The following METTL22 variants were observed in gnomAD, a reference collection of about 807,000 sequenced individuals.
METTL22 encodes the protein methyltransferase-like protein 22.
Under a neutral mutation model 48.4 loss-of-function variants are expected in METTL22, and 51 were observed. The ratio of observed to expected loss-of-function variants is 1.05; its 90% CI spans 0.84 to 1.33. The LOEUF is 1.33. Ranked by LOEUF, METTL22 falls within the 40% of genes most tolerant of loss-of-function variation. The probability of loss-of-function intolerance (pLI) is 0.00; values close to 1 mark genes in which losing one functional copy is unlikely to be tolerated. For missense variants in METTL22, 678 were observed against 526.9 expected, an observed-to-expected ratio of 1.29 and a Z score of -2.81; for synonymous variants, 255 against 214.1, an observed-to-expected ratio of 1.19 and a Z score of -1.67.
At chr16:8,642,646 G>T in intron 9 of METTL22, 81 bp downstream of exon 9, 1 of 1,284,948 alleles carries the variant, frequency 7.8e-7, no homozygotes, top group Admixed American at 1.7e-5. Context: ...CCTTGTCAGT[G>T]TCATTATGAT....
rs747337587 is a variant in METTL22 at position 8,646,090 on chromosome 16, TTTCTC to T, written c.1180-16_1180-12del. ...TATGTGCACTTCAGAAACCTGTTCT[TTTCTC>T]TGTTTGCTGCAGGAGCTCTGGAAGA... On this transcript the variant is annotated splice_polypyrimidine_tract_variant and intron_variant, in intron 10 of 10. Coordinates refer to ENST00000381920, the MANE Select transcript of METTL22 (RefSeq NM_024109.4). 1 of 1,455,096 alleles carries T rather than the reference TTTCTC, an allele frequency of 6.9e-7. No individual in the cohort carries two copies. Among genetic ancestry groups the T allele is most frequent in the South Asian group, 1.2e-5 (1 of 84,930 alleles). The allele number at this position is 1,455,096 out of a possible 1,614,324, so 90.1% of individuals were successfully genotyped here.
chr16:8,635,768 T>C (rs1427958322), intron 5 of METTL22, among the ~76,000 whole-genome samples: 1 of 152,156 alleles, frequency 6.6e-6, no homozygotes, highest in Non-Finnish European at 1.5e-5. Context: ...GAATCAACAA[T>C]ATGCAACTTA....
chr16:8,631,902 C>G (rs1450770393), intron 3 of METTL22: 1 of 152,240 alleles, frequency 6.6e-6, no homozygotes, highest in Non-Finnish European at 1.5e-5. Flanking sequence ...GGCCTCCACC[C>G]CTAGACTGAA....
chr16:8,622,215 T>A (rs902405308), intron 1 of METTL22, among the ~76,000 whole-genome samples: 11 of 152,306 alleles, frequency 7.2e-5, no homozygotes, highest in African/African-American at 2.6e-4. Context: ...CCTCCCCAGC[T>A]CCTGGCCTAA....
rs182789773 is a variant in METTL22, at chr16:8,635,685, C to G, written c.700+373C>G. Reference sequence around the variant, plus strand: ...ATTATTTTTTTCCTGGGTATAGAAGCCTTGCCCATTCTTTGTAGGAGGTTT... The same window carrying G: ...ATTATTTTTTTCCTGGGTATAGAAGGCTTGCCCATTCTTTGTAGGAGGTTT... On this transcript the variant is annotated intron_variant, in intron 5 of 10. Coordinates refer to ENST00000381920, the MANE Select transcript of METTL22 (RefSeq NM_024109.4). 3.3e-4 allele frequency among the ~76,000 whole-genome samples: 50 copies of G among 152,300 alleles called. No individual in the cohort carries two copies. The East Asian group carries it at 6.9e-3, about 21-fold the overall frequency.
chr16:8,659,525 C>T, the METTL22 span, among the ~76,000 whole-genome samples: 1 of 152,036 alleles, frequency 6.6e-6, no homozygotes, highest in Non-Finnish European at 1.5e-5. Context: ...AGGCATTACA[C>T]CTGTCTGACC....
At chr16:8,636,354 G>C (rs1387334667) in intron 5 of METTL22, among the ~76,000 whole-genome samples, 1 of 152,112 alleles carries the variant, frequency 6.6e-6, no homozygotes, top group African/African-American at 2.4e-5. Flanking sequence ...GGCCAACATG[G>C]TGAAACCCTG....
the METTL22 span, among the ~76,000 whole-genome samples, chr16:8,658,580 C>G: frequency 6.6e-6 from 1 of 152,306 alleles, no homozygotes; most frequent in East Asian, 1.9e-4. Flanking sequence ...GCCTCATATC[C>G]TCAGGTGAAT....
At chr16:8,643,763 G>C (rs1000167666) in intron 9 of METTL22, among the ~76,000 whole-genome samples, 2 of 152,046 alleles carry the variant, frequency 1.3e-5, no homozygotes, top group African/African-American at 4.8e-5. Flanking sequence ...ACAGGCATGC[G>C]TCACCACACC....
At chr16:8,664,932 G>A in the METTL22 span, among the ~76,000 whole-genome samples, 841 of 152,204 alleles carry the variant, frequency 5.5e-3, 13 homozygotes, top group African/African-American at 0.02. Context: ...TGTCTGGCAC[G>A]TCTCACTGTA....
chr16:8,642,879 A>G, intron 9 of METTL22: 1 of 399,372 alleles, frequency 2.5e-6, no homozygotes, highest in Non-Finnish European at 4.7e-6. Flanking sequence ...TGGAACCTCA[A>G]CGCTTGGCCA....
rs2056826413 is a variant in METTL22, at chr16:8,647,561, C to T, written c.*1418C>T. 1 of 150,964 alleles carries T rather than the reference C, an allele frequency of 6.6e-6. No individual in the cohort carries two copies. Among genetic ancestry groups the T allele is most frequent in the African/African-American group, 2.4e-5 (1 of 41,018 alleles). The allele number at this position is 150,964 out of a possible 1,614,324, so 9.4% of individuals were successfully genotyped here. On this transcript the variant is annotated 3_prime_UTR_variant, in exon 11 of 11. Transcript: ENST00000381920. ...TGCCACCAGTATCCAGTGGGTGAGGCCAGAGATGCTGCTGAACGTTCTATA... is the reference window on the plus strand; with the variant it reads ...TGCCACCAGTATCCAGTGGGTGAGGTCAGAGATGCTGCTGAACGTTCTATA...
At chr16:8,649,817 AAAAAAAAAAC>A (rs2141833865), downstream of METTL22, among the ~76,000 whole-genome samples, 1 of 4,700 alleles carries the variant, frequency 2.1e-4, no homozygotes, top group South Asian at 0.12. Flanking sequence ...AAGAAATTAA[AAAAAAAAAAC>A]CATTAGTGAA....
chr16:8,629,003 C>T lies in METTL22; in HGVS notation c.407C>T (p.Pro136Leu). The part of the protein sequence containing the change: ...RRPRAASDSN[P>L]AGPLRDKVHP... ...CCACGAGCCGCCTCTGATTCCAACC[C>T]AGCAGGGCCTCTGAGAGACAAGGTA... Residue 136 changes from proline (P) to leucine (L), a missense_variant, in exon 3 of 11, where the codon CCA (proline) becomes CTA (leucine). Transcript: ENST00000381920. The T allele has an allele frequency of 1.2e-6, 2 of 1,614,140 alleles. No homozygotes were observed. Among genetic ancestry groups the T allele is most frequent in the African/African-American group, 2.7e-5 (2 of 75,050 alleles).
intron 3 of METTL22, among the ~76,000 whole-genome samples, chr16:8,634,511 A>G (rs1287990759): frequency 6.6e-6 from 1 of 152,176 alleles, no homozygotes; most frequent in African/African-American, 2.4e-5. Flanking sequence ...GAATACTTAT[A>G]CTACTTTTCA....
At chr16:8,655,364 C>T in the METTL22 span, among the ~76,000 whole-genome samples, 1 of 152,216 alleles carries the variant, frequency 6.6e-6, no homozygotes, top group Admixed American at 6.5e-5. Context: ...CTCAGTTCCT[C>T]ACTGGCTGCT....
chr16:8,645,988 C>T, intron 10 of METTL22, 120 bp from the exon 11 acceptor site: 1 of 1,507,898 alleles, frequency 6.6e-7, no homozygotes, highest in Non-Finnish European at 8.9e-7. Context: ...CCCCAGCTCG[C>T]CTGCTCCGTG....
At chr16:8,664,128 C>T in the METTL22 span, among the ~76,000 whole-genome samples, 2 of 151,054 alleles carry the variant, frequency 1.3e-5, no homozygotes, top group African/African-American at 4.9e-5. Flanking sequence ...CGCTCTGTTT[C>T]CCAGGCTGAA....
At chr16:8,630,726 C>A (rs2056231592) in intron 3 of METTL22, among the ~76,000 whole-genome samples, 1 of 152,208 alleles carries the variant, frequency 6.6e-6, no homozygotes, top group Non-Finnish European at 1.5e-5. Flanking sequence ...GCTTCCCCTC[C>A]TGCCCTGTTC....
Sources: allele counts gnomAD v4.1 joint callset (sites outside exome capture counted in the v4.1 genomes callset), GRCh38; gene constraint gnomAD v4.1.1; transcripts MANE v1.5; gene names NCBI Gene and HGNC (gene_info 2026-07-23, HGNC 2026-07-21).